The following SGO2 variants were observed in gnomAD, a reference collection of about 807,000 sequenced individuals.
The protein encoded by SGO2 is shugoshin-like 2.
A neutral mutation model predicts 99.5 loss-of-function variants in SGO2; 68 were observed. That is an observed-to-expected ratio of 0.68 (90% CI 0.56 to 0.84). The LOEUF (loss-of-function observed/expected upper bound fraction) is 0.84, where lower values mean the gene tolerates loss of function less well. Ranked by LOEUF, SGO2 falls within the 40% of genes least tolerant of loss-of-function variation. The probability of loss-of-function intolerance (pLI) is 0.00; values close to 1 mark genes in which losing one functional copy is unlikely to be tolerated. For synonymous variants in SGO2, 457 were observed against 487.1 expected (o/e 0.94, Z 0.81); for missense variants, 1,350 against 1,436.7 (o/e 0.94, Z 0.97).
At position 200,569,804 on chromosome 2, in the gene SGO2, A is replaced by G. The variant is rs2033329342; in HGVS notation, c.615A>G (p.Glu205=). ...TQPLSTQDNS[E]VLFLKENNQN... ...CTTTATCAACTCAGGATAATTCGGA[A>G]GTGTTATTTCTTAAAGAAAATAATC... The change falls in exon 6 of 9, where the codon GAA becomes GAG. Residue 205 remains glutamate, a synonymous_variant. Coordinates refer to ENST00000357799, the MANE Select transcript of SGO2 (RefSeq NM_152524.6). The G allele has an allele frequency of 6.2e-7, 1 of 1,610,120 alleles. No individual in the cohort carries two copies. Among genetic ancestry groups the G allele is most frequent in the Non-Finnish European group, 8.5e-7 (1 of 1,176,550 alleles).
In SGO2 at chr2:200,572,535, A is replaced by G. The variant is rs1559217400; in HGVS notation, c.2189A>G (p.Asp730Gly). The change falls in exon 7 of 9, where the codon GAT (aspartate) becomes GGT (glycine). Residue 730 changes from aspartate to glycine, a missense_variant. Physicochemically the swap from Asp to Gly is moderately conservative, Grantham distance 94 (BLOSUM62 -1). Transcript: ENST00000357799. ...ATAATTTCTGAAGTGAATCATTTAGATAATGACAAAAGTATAGAATACACA... is the reference window on the plus strand; with the variant it reads ...ATAATTTCTGAAGTGAATCATTTAGGTAATGACAAAAGTATAGAATACACA... The part of the protein sequence containing the change: ...TEIISEVNHL[D>G]NDKSIEYTVK... The G allele has an allele frequency of 6.2e-7, 1 of 1,612,306 alleles. No individual in the cohort carries two copies. Among genetic ancestry groups the G allele is most frequent in the South Asian group, 1.1e-5 (1 of 90,930 alleles).
intron 5 of SGO2, among the ~76,000 whole-genome samples, chr2:200,555,744 G>A (rs1574857702): frequency 6.6e-6 from 1 of 152,172 alleles, no homozygotes; most frequent in Non-Finnish European, 1.5e-5. Context: ...ACACCCCAAT[G>A]TTCTCTCATA....
chr2:200,570,487 T>TGC lies in SGO2; in HGVS notation c.704-562_704-561insCG, dbSNP rs1253510831. Among the ~76,000 whole-genome samples, 1 of 150,342 alleles carries TGC rather than the reference T, an allele frequency of 6.7e-6. No homozygotes were observed. The highest frequency in any genetic ancestry group is 1.5e-5 in the Non-Finnish European group (1 of 67,434). On this transcript the variant is annotated intron_variant, in intron 6 of 8. Transcript: ENST00000357799. The surrounding 1 kb of genome is among the most constrained non-coding windows in gnomAD (Gnocchi z 4.4). ...TTTTTCCTTTCTGAAAATGTGTGTG[T>TGC]GTGTGTGTGTGTGTGTGTGTGTGGG...
chr2:200,582,371 A>T (rs568708060), intron 8 of SGO2, among the ~76,000 whole-genome samples: 1 of 152,258 alleles, frequency 6.6e-6, no homozygotes, highest in African/African-American at 2.4e-5. Context: ...GGGTTTATCC[A>T]AAATAAATAG....
intron 5 of SGO2, among the ~76,000 whole-genome samples, chr2:200,559,831 A>G (rs952690782): frequency 6.6e-6 from 1 of 152,084 alleles, no homozygotes; most frequent in African/African-American, 2.4e-5. Flanking sequence ...TTAATTTCTA[A>G]GCTGATGGGT....
At chr2:200,557,437 G>T (rs1213617271) in intron 5 of SGO2, among the ~76,000 whole-genome samples, 1 of 152,076 alleles carries the variant, frequency 6.6e-6, no homozygotes, top group Non-Finnish European at 1.5e-5. Context: ...TGGGTCAGGG[G>T]TCTCTTCAGT....
At chr2:200,542,529 T>C in intron 4 of SGO2, 50 bp from the exon 5 acceptor site, 4 of 1,421,200 alleles carry the variant, frequency 2.8e-6, no homozygotes, top group Non-Finnish European at 3.9e-6. Context: ...ATAACTAACA[T>C]GATTTAATAA....
chr2:200,533,420 G>A (rs773115802), intron 2 of SGO2: 9 of 220,208 alleles, frequency 4.1e-5, no homozygotes, highest in Non-Finnish European at 8.1e-5. Flanking sequence ...AAGAGTAGCA[G>A]GTTGTTCTGG....
chr2:200,568,157 A>G (rs1311286231), intron 5 of SGO2, among the ~76,000 whole-genome samples: 2 of 152,216 alleles, frequency 1.3e-5, no homozygotes, highest in African/African-American at 4.8e-5. Context: ...ATAGCCATCT[A>G]GGAGTATGAA....
chr2:200,540,719 G>A (rs1333276360), intron 4 of SGO2, among the ~76,000 whole-genome samples: 2 of 152,184 alleles, frequency 1.3e-5, no homozygotes, highest in African/African-American at 4.8e-5. Context: ...TGTGTATTAT[G>A]ATGTTTTTAC....
chr2:200,559,720 T>G (rs1252372797), intron 5 of SGO2, among the ~76,000 whole-genome samples: 1 of 152,154 alleles, frequency 6.6e-6, no homozygotes, highest in Non-Finnish European at 1.5e-5. Context: ...ATCATCAGTC[T>G]TCTAGATTCA....
At chr2:200,530,738 G>A (rs1211818121) in intron 1 of SGO2, among the ~76,000 whole-genome samples, 2 of 152,176 alleles carry the variant, frequency 1.3e-5, no homozygotes, top group Admixed American at 6.5e-5. Flanking sequence ...TGAGGAAGGA[G>A]AAATTAACCA....
intron 5 of SGO2, among the ~76,000 whole-genome samples, chr2:200,559,244 T>G (rs961378675): frequency 6.6e-6 from 1 of 152,232 alleles, no homozygotes; most frequent in Non-Finnish European, 1.5e-5. Flanking sequence ...ATTATCAAGT[T>G]ATGTGCTTAA....
intron 5 of SGO2, among the ~76,000 whole-genome samples, chr2:200,544,981 G>C (rs931385349): frequency 2.6e-5 from 4 of 151,972 alleles, no homozygotes. Context: ...TGGGTTATCT[G>C]TCATATTTTT....
In SGO2 at chr2:200,568,913, T is replaced by A. The variant is rs1176875478; in HGVS notation, c.474-750T>A. On this transcript the variant is annotated intron_variant, in intron 5 of 8. Transcript: ENST00000357799. ...CCAGAAGCAGAACCTCTCCGTTTAT[T>A]TTTGTTAACTTGTTTCCTCAAGTGG... Among the ~76,000 whole-genome samples, 9 of 93,220 alleles carry A rather than the reference T, an allele frequency of 9.7e-5. No homozygotes were observed. In the East Asian group the frequency reaches 2.6e-3, roughly 27 times the overall value. 61.2% of individuals were successfully genotyped at this position (93,220 alleles called of 152,430 possible). A position where few individuals can be genotyped will look rare whatever the true frequency, so the allele number is the denominator to read the frequency against.
At chr2:200,561,568 A>G (rs1462770961) in intron 5 of SGO2, among the ~76,000 whole-genome samples, 1 of 152,202 alleles carries the variant, frequency 6.6e-6, no homozygotes, top group East Asian at 1.9e-4. Context: ...CTTTGGGTAT[A>G]TACCCAGTAA....
rs765865821 is a variant in SGO2, at chr2:200,572,665, T to G, written c.2319T>G (p.Asp773Glu). The G allele has an allele frequency of 5.6e-6, 9 of 1,612,214 alleles. No individual in the cohort carries two copies. In the Admixed American group the frequency reaches 1.3e-4, roughly 24 times the overall value. ...EFETPALSTKDSGNLYDSEIQ... is the reference protein window; with the variant it reads ...EFETPALSTKESGNLYDSEIQ... ...AAACACCTGCTCTTTCTACCAAAGA[T>G]AGTGGAAACCTGTATGATTCTGAGA... The change falls in exon 7 of 9, where the codon GAT becomes GAG. Residue 773 changes from aspartate to glutamate, a missense_variant. Physicochemically the swap from Asp to Glu is conservative, Grantham distance 45. Coordinates refer to ENST00000357799, the MANE Select transcript of SGO2 (RefSeq NM_152524.6).
chr2:200,567,471 T>A (rs1413731831), intron 5 of SGO2, among the ~76,000 whole-genome samples: 1 of 152,218 alleles, frequency 6.6e-6, no homozygotes, highest in Non-Finnish European at 1.5e-5. Flanking sequence ...ACATAAAATT[T>A]CTTATCACAT....
chr2:200,561,073 C>G (rs2032937719), intron 5 of SGO2, among the ~76,000 whole-genome samples: 1 of 152,010 alleles, frequency 6.6e-6, no homozygotes, highest in Non-Finnish European at 1.5e-5. Context: ...ACTTTAAGTT[C>G]TAGGGTACAT....
Sources: gnomAD v4.1 joint callset for allele counts (sites outside exome capture counted in the v4.1 genomes callset) on GRCh38, gnomAD v4.1.1 for gene constraint, Gnocchi (gnomAD v3.1) non-coding constraint, MANE v1.5 for transcripts, NCBI Gene and HGNC (gene_info 2026-07-23, HGNC 2026-07-21) for gene names.